Variants in LRRTM4 observed in about 807,000 individuals in gnomAD.
LRRTM4 encodes the protein leucine rich repeat transmembrane neuronal 4.
Under a neutral mutation model 47.6 loss-of-function variants are expected in LRRTM4, and 25 were observed. The ratio of observed to expected loss-of-function variants is 0.53; its 90% CI spans 0.38 to 0.73. The LOEUF (loss-of-function observed/expected upper bound fraction) is 0.73, where lower values mean the gene tolerates loss of function less well. Among genes scored for constraint, LRRTM4 ranks in the 30% least tolerant of loss-of-function variants. The pLI is 0.00. For missense variants in LRRTM4, 638 were observed against 713.4 expected, an observed-to-expected ratio of 0.89 and a Z score of 1.20; for synonymous variants, 311 against 269.5, an observed-to-expected ratio of 1.15 and a Z score of -1.51.
At chr2:76,790,078 ACTGTCTGAGAT>A (rs1674893738) in intron 3 of LRRTM4, among the ~76,000 whole-genome samples, 1 of 152,006 alleles carries the variant, frequency 6.6e-6, no homozygotes, top group Non-Finnish European at 1.5e-5. Context: ...TCTTTTCACC[ACTGTCTGAGAT>A]CTTTCCTAGC....
At chr2:77,275,658 C>T (rs1056130352) in intron 3 of LRRTM4, among the ~76,000 whole-genome samples, 1 of 152,078 alleles carries the variant, frequency 6.6e-6, no homozygotes, top group Non-Finnish European at 1.5e-5. Flanking sequence ...TAGGGACCTG[C>T]GATGTGTTCC....
At chr2:77,234,835 T>C (rs990310911) in intron 3 of LRRTM4, among the ~76,000 whole-genome samples, 1 of 152,156 alleles carries the variant, frequency 6.6e-6, no homozygotes, top group Non-Finnish European at 1.5e-5. Flanking sequence ...AGGTTTGGGT[T>C]ATGAATTTTC....
intron 3 of LRRTM4, among the ~76,000 whole-genome samples, chr2:76,856,304 A>G (rs1202887578): frequency 3.3e-5 from 5 of 152,168 alleles, no homozygotes; most frequent in African/African-American, 1.2e-4. Flanking sequence ...GAGATAAAAA[A>G]AAGTATAAAT....
intron 3 of LRRTM4, among the ~76,000 whole-genome samples, chr2:76,779,809 G>A (rs1674247687): frequency 6.6e-6 from 1 of 152,132 alleles, no homozygotes; most frequent in South Asian, 2.1e-4. Flanking sequence ...TCATTATGAT[G>A]TTAGCTGGTT....
At chr2:77,388,325 T>C (rs1462319893) in intron 3 of LRRTM4, among the ~76,000 whole-genome samples, 1 of 152,134 alleles carries the variant, frequency 6.6e-6, no homozygotes, top group Non-Finnish European at 1.5e-5. Context: ...GGAAAAGATC[T>C]TATAACTACA....
At position 77,228,831 on chromosome 2, in the gene LRRTM4, C is replaced by T. The variant is rs1193740464; in HGVS notation, c.1551+289487G>A. On this transcript the variant is annotated intron_variant, in intron 3 of 3. Coordinates refer to ENST00000409884, the MANE Select transcript of LRRTM4 (RefSeq NM_001134745.3). ...ACATGGTATATAATATTCACCCCTA[C>T]TAGACATCTGGGAATTACCTTAGAA... Among the ~76,000 whole-genome samples the T allele has an allele frequency of 2.6e-5, 4 of 152,338 alleles. No homozygotes were observed. The East Asian group carries it at 7.7e-4, about 29-fold the overall frequency.
At chr2:76,811,129 G>C (rs1670719658) in intron 3 of LRRTM4, among the ~76,000 whole-genome samples, 1 of 152,060 alleles carries the variant, frequency 6.6e-6, no homozygotes, top group African/African-American at 2.4e-5. Flanking sequence ...CCTTTTACCA[G>C]CCATGAACCC....
chr2:77,147,813 A>C (rs996908784), intron 3 of LRRTM4, among the ~76,000 whole-genome samples: 1 of 152,204 alleles, frequency 6.6e-6, no homozygotes, highest in Non-Finnish European at 1.5e-5. Context: ...CATTTACTAG[A>C]GATTATGCCA....
chr2:76,910,196 G>GGGA (rs1198821838), intron 3 of LRRTM4, among the ~76,000 whole-genome samples: 2 of 152,084 alleles, frequency 1.3e-5, no homozygotes, highest in Admixed American at 1.3e-4. Flanking sequence ...GTCCTTTGTA[G>GGGA]GGACATGGAT....
intron 3 of LRRTM4, among the ~76,000 whole-genome samples, chr2:77,289,131 A>T (rs1417108913): frequency 1.3e-5 from 2 of 152,032 alleles, no homozygotes; most frequent in African/African-American, 4.8e-5. Context: ...CATGAATTGG[A>T]CCTTGACCAA....
At chr2:76,959,233 CTATAT>C (rs1675773868) in intron 3 of LRRTM4, among the ~76,000 whole-genome samples, 1 of 151,578 alleles carries the variant, frequency 6.6e-6, no homozygotes, top group Non-Finnish European at 1.5e-5. Flanking sequence ...AATTTTAAAA[CTATAT>C]TATGTTTTCA....
chr2:77,354,682 T>C (rs1224297692), intron 3 of LRRTM4, among the ~76,000 whole-genome samples: 2 of 152,146 alleles, frequency 1.3e-5, no homozygotes, highest in African/African-American at 4.8e-5. Context: ...TGGGGGTCTC[T>C]AGGACATTAA....
At chr2:76,827,563 C>G (rs1020179202) in intron 3 of LRRTM4, among the ~76,000 whole-genome samples, 1 of 151,804 alleles carries the variant, frequency 6.6e-6, no homozygotes, top group African/African-American at 2.4e-5. Flanking sequence ...ACATGTATTT[C>G]ATAGCATTGA....
intron 3 of LRRTM4, among the ~76,000 whole-genome samples, chr2:77,446,557 G>A (rs1206617905): frequency 1.3e-5 from 2 of 151,972 alleles, no homozygotes; most frequent in Non-Finnish European, 2.9e-5. Flanking sequence ...GCAATAATTA[G>A]CCCTTTGTGG....
At chr2:77,026,342 A>T (rs1031784732) in intron 3 of LRRTM4, among the ~76,000 whole-genome samples, 6 of 152,152 alleles carry the variant, frequency 3.9e-5, no homozygotes, top group Non-Finnish European at 8.8e-5. Flanking sequence ...GGCTCAGAAA[A>T]GTTAAAATCC....
chr2:77,098,866 T>C (rs910808475), intron 3 of LRRTM4, among the ~76,000 whole-genome samples: 1 of 151,646 alleles, frequency 6.6e-6, no homozygotes, highest in Non-Finnish European at 1.5e-5. Context: ...TAAAAGTCAA[T>C]AAAAAAGGAA....
chr2:77,276,992 G>A (rs955608284), intron 3 of LRRTM4, among the ~76,000 whole-genome samples: 2 of 151,646 alleles, frequency 1.3e-5, no homozygotes, highest in Admixed American at 1.3e-4. Flanking sequence ...GATAATGGCT[G>A]TATATTCTCT....
At chr2:77,262,886 C>G (rs1056535991) in intron 3 of LRRTM4, among the ~76,000 whole-genome samples, 2 of 151,956 alleles carry the variant, frequency 1.3e-5, no homozygotes, top group Non-Finnish European at 2.9e-5. Context: ...AAGGGAAGGT[C>G]TTTTGTTATT....
chr2:76,907,667 A>T (rs191264264), intron 3 of LRRTM4, among the ~76,000 whole-genome samples: 1,735 of 116,260 alleles, frequency 0.015, 293 homozygotes, highest in Non-Finnish European at 0.023. Context: ...GGATATCACC[A>T]TCGATACCAC....
Sources: allele counts gnomAD v4.1 joint callset (sites outside exome capture counted in the v4.1 genomes callset), GRCh38; gene constraint gnomAD v4.1.1; transcripts MANE v1.5; gene names NCBI Gene and HGNC (gene_info 2026-07-23, HGNC 2026-07-21).